ROBO1: variants seen among roughly 807,000 people sequenced by gnomAD.
The protein encoded by ROBO1 is roundabout homolog 1.
In ROBO1, 149 loss-of-function variants were observed where a neutral mutation model predicts 195.9. The observed-to-expected ratio is 0.76, with a 90% CI of 0.67 to 0.87. ROBO1 has a LOEUF of 0.87. ROBO1 is among the 40% of genes least tolerant of loss of function. The probability of loss-of-function intolerance (pLI) is 0.00; values close to 1 mark genes in which losing one functional copy is unlikely to be tolerated. For missense variants in ROBO1, 1,933 were observed against 2,068.3 expected (o/e 0.93, Z 1.27); for synonymous variants, 816 against 733.2 (o/e 1.11, Z -1.82).
At chr3:79,138,698 A>G (rs1341425968) in intron 2 of ROBO1, among the ~76,000 whole-genome samples, 1 of 151,950 alleles carries the variant, frequency 6.6e-6, no homozygotes, top group Non-Finnish European at 1.5e-5. Flanking sequence ...AATTGTGGTA[A>G]TACTAAAAAC....
chr3:79,019,406 G>C (rs1176017423), intron 3 of ROBO1: 2 of 985,844 alleles, frequency 2.0e-6, no homozygotes, highest in Admixed American at 6.2e-5. Context: ...GCTCCTCCCG[G>C]ATCAGCGGCG....
intron 2 of ROBO1, among the ~76,000 whole-genome samples, chr3:79,500,713 C>T (rs1220612541): frequency 6.6e-6 from 1 of 152,168 alleles, no homozygotes; most frequent in Non-Finnish European, 1.5e-5. Flanking sequence ...AGTACATGGT[C>T]ACATAAGCTT....
chr3:79,371,149 G>A (rs2036178840), intron 2 of ROBO1, among the ~76,000 whole-genome samples: 1 of 152,084 alleles, frequency 6.6e-6, no homozygotes, highest in African/African-American at 2.4e-5. Flanking sequence ...ATAAACATAT[G>A]TGTGCGTGTG....
At chr3:79,022,269 A>G (rs762140100) in intron 3 of ROBO1, among the ~76,000 whole-genome samples, 2 of 152,200 alleles carry the variant, frequency 1.3e-5, no homozygotes, top group Non-Finnish European at 2.9e-5. Context: ...ATCTATGTGC[A>G]AGAAACAGTA....
intron 3 of ROBO1, among the ~76,000 whole-genome samples, chr3:79,060,149 T>A (rs1009030347): frequency 2.4e-4 from 37 of 151,956 alleles, no homozygotes; most frequent in Non-Finnish European, 4.3e-4. Context: ...TCCCCAGGCT[T>A]GCTAGGATTG....
chr3:78,838,035 T>G (rs2032890765), intron 4 of ROBO1, among the ~76,000 whole-genome samples: 1 of 152,180 alleles, frequency 6.6e-6, no homozygotes, highest in Admixed American at 6.5e-5. Flanking sequence ...ACATCACAAT[T>G]TCAGGTGACT....
intron 1 of ROBO1, among the ~76,000 whole-genome samples, chr3:79,617,921 TAA>T (rs56857468): frequency 0.58 from 83,667 of 144,180 alleles, 25,045 homozygotes; most frequent in East Asian, 0.85. Flanking sequence ...AGAGATATAT[TAA>T]AAAAAAAAAA....
chr3:79,372,129 C>T (rs528891623), intron 2 of ROBO1, among the ~76,000 whole-genome samples: 17 of 151,868 alleles, frequency 1.1e-4, no homozygotes, highest in African/African-American at 1.9e-4. Context: ...TCCTGCTATG[C>T]GGTCTGGTTC....
chr3:79,136,067 G>A (rs374377672), intron 2 of ROBO1, among the ~76,000 whole-genome samples: 1 of 152,248 alleles, frequency 6.6e-6, no homozygotes, highest in Non-Finnish European at 1.5e-5. Context: ...TTCACCAGTG[G>A]TATTAAAATA....
intron 4 of ROBO1, among the ~76,000 whole-genome samples, chr3:78,800,764 C>G (rs1211245302): frequency 6.6e-6 from 1 of 152,086 alleles, no homozygotes; most frequent in Non-Finnish European, 1.5e-5. Flanking sequence ...CGGGGTTTCA[C>G]TATGTTAGCC....
In ROBO1 at chr3:78,996,934, CTT is replaced by C. The variant is rs536532149; in HGVS notation, c.173-58009_173-58008del. Among the ~76,000 whole-genome samples, 27 of 152,244 alleles carry C rather than the reference CTT, an allele frequency of 1.8e-4. No homozygotes were observed. In the South Asian group the frequency reaches 5.2e-3, roughly 29 times the overall value. The stretch of plus-strand genomic sequence containing the variant: ...TCAATGTTGTTCTGCCAGATGGACT[CTT>C]TTTAAGGAGTATCTTCATGTAGATA... On this transcript the variant is annotated intron_variant, in intron 3 of 30. Coordinates refer to ENST00000464233, the MANE Select transcript of ROBO1 (RefSeq NM_002941.4).
In ROBO1 at chr3:78,717,475, T is replaced by C. The variant is rs1223383973; in HGVS notation, c.779-62A>G. On this transcript the variant is annotated intron_variant, in intron 6 of 30. Coordinates refer to ENST00000464233, the MANE Select transcript of ROBO1 (RefSeq NM_002941.4). ...AAAATGAACCAGCTGAAAAACACTT[T>C]AGGAGTTCAGTAAGAGCATATTTTT... 6.4e-6 allele frequency: 9 copies of C among 1,413,036 alleles called. No individual in the cohort carries two copies. The East Asian group carries it at 1.6e-4, about 25-fold the overall frequency. The allele number at this position is 1,413,036 out of a possible 1,614,324, so 87.5% of individuals were successfully genotyped here. A position where few individuals can be genotyped will look rare whatever the true frequency, so the allele number is the denominator to read the frequency against.
At chr3:79,008,701 G>A (rs917945356) in intron 3 of ROBO1, among the ~76,000 whole-genome samples, 2 of 149,584 alleles carry the variant, frequency 1.3e-5, no homozygotes, top group Admixed American at 6.7e-5. Flanking sequence ...TCATCCACCC[G>A]CCTCAGCTTC....
At chr3:79,533,228 G>C (rs1055633319) in intron 2 of ROBO1, 1 of 168,588 alleles carries the variant, frequency 5.9e-6, no homozygotes, top group Non-Finnish European at 1.3e-5. Context: ...GTTTCTCCTG[G>C]TGAATACCTA....
intron 2 of ROBO1, among the ~76,000 whole-genome samples, chr3:79,489,569 C>T (rs570012433): frequency 6.0e-5 from 9 of 150,240 alleles, no homozygotes; most frequent in Non-Finnish European, 1.0e-4. Context: ...GCAGGAGAAT[C>T]GCTTGAACCA....
intron 2 of ROBO1, among the ~76,000 whole-genome samples, chr3:79,524,489 T>C (rs1941347538): frequency 1.3e-5 from 2 of 152,094 alleles, no homozygotes; most frequent in East Asian, 1.9e-4. Context: ...TGTATGTGCA[T>C]ATGTCTACAA....
At chr3:79,492,301 T>C (rs1277800404) in intron 2 of ROBO1, among the ~76,000 whole-genome samples, 1 of 151,858 alleles carries the variant, frequency 6.6e-6, no homozygotes, top group African/African-American at 2.4e-5. Flanking sequence ...GGCTGGTGCC[T>C]GTAATCCTAG....
Position 79,509,895 on chromosome 3 carries a change from C to T in ROBO1, c.88+79929G>A, listed in dbSNP as rs1014739046. Among the ~76,000 whole-genome samples the T allele has an allele frequency of 1.4e-4, 21 of 152,094 alleles. 1 individual carries two copies. In the Middle Eastern group the frequency reaches 0.01, roughly 74 times the overall value. On this transcript the variant is annotated intron_variant, in intron 2 of 30. Transcript: ENST00000464233. The stretch of plus-strand genomic sequence containing the variant: ...TGATTTCCATTGTCAGGCGTACTTA[C>T]CAGTGTAATATTACTCTTCCCAGTC...
chr3:79,239,041 C>G (rs147820537), intron 2 of ROBO1, among the ~76,000 whole-genome samples: 7 of 152,144 alleles, frequency 4.6e-5, no homozygotes, highest in Non-Finnish European at 1.0e-4. Context: ...CCTTTGGGAT[C>G]GAGCCATTGC....
Sources: gnomAD v4.1 joint callset for allele counts (sites outside exome capture counted in the v4.1 genomes callset) on GRCh38, gnomAD v4.1.1 for gene constraint, MANE v1.5 for transcripts, NCBI Gene and HGNC (gene_info 2026-07-23, HGNC 2026-07-21) for gene names.